Variants in DOCK4 observed in about 807,000 individuals in gnomAD.
DOCK4 encodes dedicator of cytokinesis 4.
Under a neutral mutation model 268.1 loss-of-function variants are expected in DOCK4, and 97 were observed. That is an observed-to-expected ratio of 0.36 (90% CI 0.31 to 0.43). DOCK4 has a LOEUF of 0.43. Ranked by LOEUF, DOCK4 falls within the 20% of genes least tolerant of loss-of-function variation. The probability of loss-of-function intolerance (pLI) is 1.00; values close to 1 mark genes in which losing one functional copy is unlikely to be tolerated. For synonymous variants in DOCK4, 954 were observed against 887.2 expected (o/e 1.08, Z -1.34); for missense variants, 2,145 against 2,455.7 (o/e 0.87, Z 2.67).
chr7:111,909,003 T>C lies in DOCK4; in HGVS notation c.1192+6776A>G, dbSNP rs569149435. Among the ~76,000 whole-genome samples, 6 of 152,256 alleles carry C rather than the reference T, an allele frequency of 3.9e-5. No homozygotes were observed. In the East Asian group the frequency reaches 1.2e-3, roughly 29 times the overall value. On this transcript the variant is annotated intron_variant, in intron 13 of 52. Coordinates refer to ENST00000428084, the MANE Select transcript of DOCK4 (RefSeq NM_001363540.2). ...GCCGCAATAAACAAATGTGTGCATATATTTATAATCCCTTGGGTATATACC... is the reference window on the plus strand; with the variant it reads ...GCCGCAATAAACAAATGTGTGCATACATTTATAATCCCTTGGGTATATACC...
intron 26 of DOCK4, among the ~76,000 whole-genome samples, 167 bp from the exon 27 acceptor site, chr7:111,822,623 C>T (rs1478097428): frequency 6.6e-6 from 1 of 152,162 alleles, no homozygotes; most frequent in African/African-American, 2.4e-5. Context: ...TGACCCTTCC[C>T]ATTCTCAGGA....
chr7:112,048,391 A>C (rs13224755), intron 1 of DOCK4, among the ~76,000 whole-genome samples: 9 of 86,346 alleles, frequency 1.0e-4, no homozygotes, highest in Admixed American at 4.5e-4. Context: ...TAAAAATACA[A>C]AAAAAAAAAA....
intron 33 of DOCK4, 37 bp from the exon 34 acceptor site, chr7:111,783,989 A>AT: frequency 6.4e-7 from 1 of 1,573,040 alleles, no homozygotes; most frequent in South Asian, 1.2e-5. Context: ...TTCAACATTT[A>AT]TTTTTATCAG....
chr7:112,108,101 G>C (rs1811292117), intron 1 of DOCK4, among the ~76,000 whole-genome samples: 1 of 152,116 alleles, frequency 6.6e-6, no homozygotes, highest in Non-Finnish European at 1.5e-5. Flanking sequence ...CAAAAGTTCT[G>C]AGTTTAAACT....
At chr7:111,803,003 A>T (rs1177928367) in intron 30 of DOCK4, among the ~76,000 whole-genome samples, 1 of 152,238 alleles carries the variant, frequency 6.6e-6, no homozygotes, top group African/African-American at 2.4e-5. Context: ...ACACCTAAAA[A>T]AGAAATAAAA....
At chr7:111,980,745 T>G (rs924077709) in intron 7 of DOCK4, among the ~76,000 whole-genome samples, 2 of 152,156 alleles carry the variant, frequency 1.3e-5, no homozygotes, top group African/African-American at 4.8e-5. Flanking sequence ...ATGCCAAATA[T>G]CCCCTTGGGT....
chr7:111,985,768 C>T (rs926635542), intron 6 of DOCK4, among the ~76,000 whole-genome samples: 1 of 152,172 alleles, frequency 6.6e-6, no homozygotes, highest in Non-Finnish European at 1.5e-5. Flanking sequence ...ACAATAAACA[C>T]TGTGATTTGT....
chr7:112,063,592 A>G (rs1806641564), intron 1 of DOCK4, among the ~76,000 whole-genome samples: 1 of 152,248 alleles, frequency 6.6e-6, no homozygotes, highest in African/African-American at 2.4e-5. Context: ...AAATCTAAGT[A>G]CAGTTTCTAC....
At chr7:111,804,561 T>C (rs2133874525) in intron 30 of DOCK4, among the ~76,000 whole-genome samples, 1 of 152,264 alleles carries the variant, frequency 6.6e-6, no homozygotes, top group South Asian at 2.1e-4. Flanking sequence ...CACTGAGCTG[T>C]GGCCTGAAAA....
intron 8 of DOCK4, among the ~76,000 whole-genome samples, chr7:111,973,261 T>A (rs929932078): frequency 6.6e-6 from 1 of 151,260 alleles, no homozygotes; most frequent in Non-Finnish European, 1.5e-5. Context: ...CAAATTGTGC[T>A]GTTAAAAACA....
In DOCK4 at chr7:111,834,670, C is replaced by G; in HGVS notation, c.2753G>C (p.Cys918Ser). The G allele has an allele frequency of 1.3e-6, 2 of 1,515,764 alleles. No individual in the cohort carries two copies. The highest frequency in any genetic ancestry group is 1.8e-6 in the Non-Finnish European group (2 of 1,131,350). The allele number at this position is 1,515,764 out of a possible 1,614,324, so 93.9% of individuals were successfully genotyped here. The change falls in exon 26 of 53, where the codon TGT (cysteine) becomes TCT (serine). Residue 918 changes from cysteine to serine, a missense_variant. Transcript: ENST00000428084. ...FQDVTGEFVA[C>S]LLSLLRQMTD... ...CATTTGTCGTAATAGGGACAGGAGA[C>G]AAGCAACAAACTCCCCCTAAGTTAA...
At chr7:111,761,246 G>T (rs984305102) in intron 39 of DOCK4, among the ~76,000 whole-genome samples, 1 of 152,100 alleles carries the variant, frequency 6.6e-6, no homozygotes, top group Admixed American at 6.5e-5. Flanking sequence ...TTTTAGTAGA[G>T]ATGGGGTTTC....
At chr7:112,075,029 C>A (rs1008176708) in intron 1 of DOCK4, among the ~76,000 whole-genome samples, 2 of 152,186 alleles carry the variant, frequency 1.3e-5, no homozygotes, top group African/African-American at 4.8e-5. Flanking sequence ...GCTAACAATT[C>A]TTTATATTGA....
At chr7:112,157,174 C>T (rs1375627862) in intron 1 of DOCK4, among the ~76,000 whole-genome samples, 2 of 151,912 alleles carry the variant, frequency 1.3e-5, no homozygotes, top group Admixed American at 6.6e-5. Context: ...CTTTCTTTCC[C>T]GTCATTTGAG....
At chr7:111,735,335 G>A (rs1037069734) in intron 50 of DOCK4, among the ~76,000 whole-genome samples, 168 bp from the exon 51 acceptor site, 4 of 152,214 alleles carry the variant, frequency 2.6e-5, no homozygotes, top group Admixed American at 2.0e-4. Flanking sequence ...CTGCCTAACA[G>A]TTATAGTTAC....
intron 42 of DOCK4, among the ~76,000 whole-genome samples, chr7:111,750,835 C>G (rs1462230909): frequency 1.3e-5 from 2 of 152,132 alleles, no homozygotes; most frequent in African/African-American, 2.4e-5. Context: ...AATTTAATAA[C>G]TGCCATGGAT....
intron 1 of DOCK4, among the ~76,000 whole-genome samples, chr7:112,123,543 A>C (rs1337344386): frequency 6.6e-6 from 1 of 152,230 alleles, no homozygotes; most frequent in African/African-American, 2.4e-5. Flanking sequence ...TCAATCATTC[A>C]AGCAAAGAAC....
intron 1 of DOCK4, among the ~76,000 whole-genome samples, chr7:112,163,539 T>G (rs1817327971): frequency 6.6e-6 from 1 of 152,232 alleles, no homozygotes; most frequent in Non-Finnish European, 1.5e-5. Flanking sequence ...TTCGGTTGTG[T>G]GCACATTCCT....
intron 30 of DOCK4, among the ~76,000 whole-genome samples, chr7:111,792,307 A>C (rs1176795107): frequency 6.6e-6 from 1 of 152,248 alleles, no homozygotes; most frequent in East Asian, 1.9e-4. Context: ...TGGCTTCATA[A>C]AGGAAGGTAA....
Sources: allele counts gnomAD v4.1 joint callset (sites outside exome capture counted in the v4.1 genomes callset), GRCh38; gene constraint gnomAD v4.1.1; transcripts MANE v1.5; gene names NCBI Gene and HGNC (gene_info 2026-07-23, HGNC 2026-07-21).